KCTD3: variants seen among roughly 807,000 people sequenced by gnomAD.
The protein encoded by KCTD3 is potassium channel tetramerization domain containing 3.
KCTD3 carries 41 observed loss-of-function variants against 85.8 expected under a neutral mutation model. The observed-to-expected ratio is 0.48, with a 90% CI of 0.37 to 0.62. KCTD3 has a LOEUF of 0.62. Ranked by LOEUF, KCTD3 falls within the 20% of genes least tolerant of loss-of-function variation. KCTD3 has a pLI of 0.00. For missense variants in KCTD3, 724 were observed against 989.9 expected, an observed-to-expected ratio of 0.73 and a Z score of 3.60; for synonymous variants, 338 against 345.4, an observed-to-expected ratio of 0.98 and a Z score of 0.24.
intron 15 of KCTD3, among the ~76,000 whole-genome samples, chr1:215,612,296 CAAAT>C (rs1270751875): frequency 1.3e-5 from 2 of 152,024 alleles, no homozygotes; most frequent in Non-Finnish European, 2.9e-5. Flanking sequence ...TGATGTTTCT[CAAAT>C]AAAACATTAC....
chr1:215,615,728 C>T (rs1655418967), intron 15 of KCTD3, among the ~76,000 whole-genome samples: 1 of 151,960 alleles, frequency 6.6e-6, no homozygotes, highest in Non-Finnish European at 1.5e-5. Flanking sequence ...AAAAGATAGG[C>T]TAGCAAGAGA....
intron 8 of KCTD3, among the ~76,000 whole-genome samples, chr1:215,580,442 G>C (rs1044402280): frequency 1.3e-5 from 2 of 152,134 alleles, no homozygotes; most frequent in African/African-American, 4.8e-5. Flanking sequence ...AGTAAAGCAG[G>C]ACAGTTATTG....
chr1:215,610,666 C>T (rs964389586), intron 14 of KCTD3, among the ~76,000 whole-genome samples: 4 of 151,916 alleles, frequency 2.6e-5, no homozygotes, highest in Admixed American at 6.6e-5. Flanking sequence ...AGTAATTGAG[C>T]AACTGCATAA....
At position 215,618,695 on chromosome 1, in the gene KCTD3, C is replaced by T. The variant is rs1410299443; in HGVS notation, c.1563-191C>T. 6.0e-6 allele frequency: 3 copies of T among 500,524 alleles called. No individual in the cohort carries two copies. In the African/African-American group the frequency reaches 6.0e-5, roughly 10 times the overall value. The allele number at this position is 500,524 out of a possible 1,614,324, so 31.0% of individuals were successfully genotyped here. ...TCCTAATGATGGATACAATATGGGC[C>T]ATCTCCATAGAGCTGTATATTTTTT... On this transcript the variant is annotated intron_variant, in intron 15 of 17. Coordinates refer to ENST00000259154, the MANE Select transcript of KCTD3 (RefSeq NM_016121.5).
rs1410604541 is a variant in KCTD3, at chr1:215,577,722, C to T, written c.310C>T (p.Pro104Ser). ...RHEAEFYGIT[P>S]LVRRLLLCEE... ...TGAAGCAGAATTTTACGGGATCACTCCATTAGGTATGTGCTCTTTTAATAT... is the reference window on the plus strand; with the variant it reads ...TGAAGCAGAATTTTACGGGATCACTTCATTAGGTATGTGCTCTTTTAATAT... Residue 104 changes from proline to serine, a missense_variant, in exon 5 of 18, where the codon CCA becomes TCA. Physicochemically the swap from Pro to Ser is moderately conservative, Grantham distance 74 (BLOSUM62 -1). Transcript: ENST00000259154. 1 of 1,585,672 alleles carries T rather than the reference C, an allele frequency of 6.3e-7. No homozygotes were observed. The highest frequency in any genetic ancestry group is 2.2e-5 in the East Asian group (1 of 44,658).
Position 215,577,672 on chromosome 1 carries a change from G to A in KCTD3, c.260G>A (p.Gly87Glu). Residue 87 changes from glycine (G) to glutamate (E), a missense_variant and splice_region_variant, in exon 5 of 18, where the codon GGA becomes GAA. Coordinates refer to ENST00000259154, the MANE Select transcript of KCTD3 (RefSeq NM_016121.5). Reference protein sequence around the residue: ...FLRTKELDLRGVSINVLRHEA... With the variant: ...FLRTKELDLREVSINVLRHEA... Reference sequence around the variant, plus strand: ...TTACATCATTTGTTTCTTTGTAGGGGAGTGAGTATTAATGTTCTCAGGCAT... The same window carrying A: ...TTACATCATTTGTTTCTTTGTAGGGAAGTGAGTATTAATGTTCTCAGGCAT... The A allele has an allele frequency of 6.3e-7, 1 of 1,581,762 alleles. No individual in the cohort carries two copies. Among genetic ancestry groups the A allele is most frequent in the Non-Finnish European group, 8.7e-7 (1 of 1,150,826 alleles).
chr1:215,595,876 T>C (rs1660399129), intron 10 of KCTD3, among the ~76,000 whole-genome samples: 1 of 152,148 alleles, frequency 6.6e-6, no homozygotes, highest in Admixed American at 6.6e-5. Context: ...TTAAAAAGGT[T>C]AATACCTGAT....
In KCTD3 at chr1:215,620,564, T is replaced by G. The variant is rs761131149; in HGVS notation, c.2394T>G (p.Thr798=). 6.2e-7 allele frequency: 1 copy of G among 1,611,262 alleles called. No individual in the cohort carries two copies. The highest frequency in any genetic ancestry group is 1.3e-5 in the African/African-American group (1 of 74,824). ...GTASPSPTKT[T]PSPRHKKSDS... is the part of the protein sequence containing the mutation. ...CGTCCCCATCTCCTACAAAGACTAC[T>G]CCATCTCCTCGGCATAAAAAAAGTG... Residue 798 remains threonine, a synonymous_variant, in exon 18 of 18, where the codon ACT becomes ACG. Transcript: ENST00000259154.
chr1:215,570,654 A>G (rs1268313804), intron 1 of KCTD3, among the ~76,000 whole-genome samples: 4 of 152,228 alleles, frequency 2.6e-5, no homozygotes, highest in Admixed American at 6.5e-5. Context: ...TAGGAATTTG[A>G]AGTAATAAAT....
intron 4 of KCTD3, among the ~76,000 whole-genome samples, chr1:215,577,251 G>T (rs910935145): frequency 1.3e-5 from 2 of 151,838 alleles, no homozygotes; most frequent in African/African-American, 4.8e-5. Context: ...GATCATGCTC[G>T]CAGGGAATTT....
intron 4 of KCTD3, among the ~76,000 whole-genome samples, chr1:215,576,916 C>T (rs1659608462): frequency 6.6e-6 from 1 of 152,134 alleles, no homozygotes; most frequent in South Asian, 2.1e-4. Flanking sequence ...ACCAGTTTCA[C>T]AAATAAAAAC....
At chr1:215,607,905 A>G in intron 13 of KCTD3, 112 bp from the exon 14 acceptor site, 1 of 687,434 alleles carries the variant, frequency 1.5e-6, no homozygotes, top group African/African-American at 1.9e-5. Flanking sequence ...TAAGATAAAT[A>G]TGTCATTTGC....
chr1:215,620,035 A>G, intron 17 of KCTD3, 22 bp from the exon 18 acceptor site: 1 of 1,538,288 alleles, frequency 6.5e-7, no homozygotes, highest in Non-Finnish European at 8.7e-7. Context: ...CTGAACTGTC[A>G]TTTTTAAAAA....
chr1:215,618,622 A>G, intron 15 of KCTD3: 1 of 299,128 alleles, frequency 3.3e-6, no homozygotes, highest in Middle Eastern at 1.0e-3. Flanking sequence ...ATCTTTTATG[A>G]AAATCAACTA....
intron 9 of KCTD3, among the ~76,000 whole-genome samples, chr1:215,589,294 C>T (rs1373602990): frequency 6.6e-6 from 1 of 152,044 alleles, no homozygotes; most frequent in Admixed American, 6.6e-5. Context: ...CAGGCAGGCA[C>T]CACCACGCCT....
chr1:215,569,063 A>G (rs552001243), intron 1 of KCTD3, among the ~76,000 whole-genome samples: 16 of 151,996 alleles, frequency 1.1e-4, no homozygotes, highest in African/African-American at 3.6e-4. Context: ...ATAATCATTT[A>G]CAATCCCTAC....
intron 6 of KCTD3, among the ~76,000 whole-genome samples, chr1:215,578,460 T>G (rs1659673741): frequency 6.6e-6 from 1 of 152,192 alleles, no homozygotes; most frequent in Non-Finnish European, 1.5e-5. Context: ...GAGCACTGGT[T>G]GTCAAACTGC....
intron 10 of KCTD3, among the ~76,000 whole-genome samples, chr1:215,598,110 C>A (rs1654679786): frequency 6.6e-6 from 1 of 151,770 alleles, no homozygotes; most frequent in Non-Finnish European, 1.5e-5. Flanking sequence ...ATACCACATA[C>A]CAAAGTAAAG....
chr1:215,589,215 A>G (rs527703384), intron 9 of KCTD3, among the ~76,000 whole-genome samples: 2 of 151,752 alleles, frequency 1.3e-5, no homozygotes, highest in Non-Finnish European at 2.9e-5. Flanking sequence ...AGCTCACTGC[A>G]TCCTCAACCT....
Sources: gnomAD v4.1 joint callset for allele counts (sites outside exome capture counted in the v4.1 genomes callset) on GRCh38, gnomAD v4.1.1 for gene constraint, MANE v1.5 for transcripts, NCBI Gene and HGNC (gene_info 2026-07-23, HGNC 2026-07-21) for gene names.